The following DOP1A variants were observed in gnomAD, a reference collection of about 807,000 sequenced individuals.
DOP1A encodes protein DOP1A.
DOP1A carries 90 observed loss-of-function variants against 267.6 expected under a neutral mutation model. That is an observed-to-expected ratio of 0.34 (90% CI 0.28 to 0.40). DOP1A has a LOEUF of 0.40. DOP1A is among the 10% of genes least tolerant of loss of function. The probability of loss-of-function intolerance (pLI) is 1.00; values close to 1 mark genes in which losing one functional copy is unlikely to be tolerated. For missense variants in DOP1A, 2,437 were observed against 2,900.4 expected (o/e 0.84, Z 3.67); for synonymous variants, 932 against 999.1 (o/e 0.93, Z 1.27).
rs552868480 is a variant in DOP1A at position 83,152,386 on chromosome 6, C to T, written c.6129+19C>T. ...CTCTGAGGTAAATATTAAGCTTTTT[C>T]ACATGAACTCTCAAGTAGACTGTTT... On this transcript the variant is annotated intron_variant, in intron 30 of 38. Coordinates refer to ENST00000349129, the MANE Select transcript of DOP1A (RefSeq NM_015018.4). 1.7e-6 allele frequency: 2 copies of T among 1,205,752 alleles called. No individual in the cohort carries two copies. The highest frequency in any genetic ancestry group is 1.8e-5 in the South Asian group (1 of 54,538). 74.7% of individuals were successfully genotyped at this position (1,205,752 alleles called of 1,614,324 possible).
chr6:83,167,617 C>A, intron 38 of DOP1A: 2 of 1,195,372 alleles, frequency 1.7e-6, no homozygotes, highest in Non-Finnish European at 2.1e-6. Flanking sequence ...TTTCTGTTAA[C>A]TAAGCTTATC....
intron 10 of DOP1A, among the ~76,000 whole-genome samples, chr6:83,121,564 C>T (rs1414293064): frequency 1.3e-5 from 2 of 151,572 alleles, no homozygotes; most frequent in Admixed American, 6.6e-5. Flanking sequence ...TGCTACCCAT[C>T]TTACAAATAT....
intron 1 of DOP1A, among the ~76,000 whole-genome samples, chr6:83,082,175 A>G (rs1018499492): frequency 1.3e-5 from 2 of 152,234 alleles, no homozygotes; most frequent in African/African-American, 4.8e-5. Flanking sequence ...TACTGAGTAT[A>G]TATCCAAAGA....
At chr6:83,100,585 G>A in intron 3 of DOP1A, 120 bp from the exon 4 acceptor site, 1 of 591,172 alleles carries the variant, frequency 1.7e-6, no homozygotes, top group East Asian at 3.2e-5. Flanking sequence ...ATAGGCAAAT[G>A]TAGCTAACAA....
rs1770027053 is a variant in DOP1A, at chr6:83,089,925, A to G, written c.-146-6806A>G. Reference sequence around the variant, plus strand: ...CTCATCAAATATGTGTATTAAATATATACAGTTTAACAAAGCCATAAAACA... The same window carrying G: ...CTCATCAAATATGTGTATTAAATATGTACAGTTTAACAAAGCCATAAAACA... On this transcript the variant is annotated intron_variant, in intron 1 of 38. Transcript: ENST00000349129. Among the ~76,000 whole-genome samples, 3 of 152,208 alleles carry G rather than the reference A, an allele frequency of 2.0e-5. No homozygotes were observed. In the South Asian group the frequency reaches 6.2e-4, roughly 32 times the overall value.
intron 36 of DOP1A, among the ~76,000 whole-genome samples, chr6:83,158,925 A>C (rs1405422633): frequency 6.6e-6 from 1 of 152,184 alleles, no homozygotes; most frequent in Non-Finnish European, 1.5e-5. Flanking sequence ...GAAACATTGC[A>C]ACATATAGCC....
chr6:83,116,406 C>T (rs1775437594), intron 7 of DOP1A, among the ~76,000 whole-genome samples: 1 of 152,054 alleles, frequency 6.6e-6, no homozygotes, highest in Admixed American at 6.5e-5. Flanking sequence ...TTGTACAATA[C>T]CAATCATGTT....
downstream of DOP1A, chr6:83,169,403 T>A: frequency 6.5e-7 from 1 of 1,533,154 alleles, no homozygotes; most frequent in Non-Finnish European, 8.9e-7. Flanking sequence ...TACTTGGAAC[T>A]CTGGGGAAGA....
At chr6:83,107,292 C>T (rs780235598) in intron 4 of DOP1A, among the ~76,000 whole-genome samples, 11 of 151,898 alleles carry the variant, frequency 7.2e-5, no homozygotes, top group Non-Finnish European at 1.2e-4. Context: ...CCTGGACAGG[C>T]GGGTCATGGC....
At chr6:83,157,392 G>T (rs981637092) in intron 35 of DOP1A, 74 bp downstream of exon 35, 20 of 1,472,706 alleles carry the variant, frequency 1.4e-5, no homozygotes, top group Non-Finnish European at 1.7e-5. Context: ...GTGCTTACTA[G>T]ATATTAACGA....
At chr6:83,069,539 A>G (rs1785260796) in intron 1 of DOP1A, among the ~76,000 whole-genome samples, 1 of 152,218 alleles carries the variant, frequency 6.6e-6, no homozygotes, top group African/African-American at 2.4e-5. Flanking sequence ...GTAAAGGTCC[A>G]TGCATTAGGC....
chr6:83,168,388 A>G lies in DOP1A; in HGVS notation c.*221A>G, dbSNP rs1405557716. ...TGATTATGGTGCCTAAGAGAGCTAT[A>G]TATATACACATGTAAAGTCCATTGT... On this transcript the variant is annotated 3_prime_UTR_variant, in exon 39 of 39. Coordinates refer to ENST00000349129, the MANE Select transcript of DOP1A (RefSeq NM_015018.4). 5.3e-6 allele frequency: 7 copies of G among 1,310,090 alleles called. No individual in the cohort carries two copies. The highest frequency in any genetic ancestry group is 2.0e-5 in the South Asian group (1 of 50,262). The allele number at this position is 1,310,090 out of a possible 1,614,324, so 81.2% of individuals were successfully genotyped here.
intron 34 of DOP1A, 31 bp downstream of exon 34, chr6:83,156,134 C>CT: frequency 6.3e-7 from 1 of 1,575,542 alleles, no homozygotes; most frequent in Non-Finnish European, 8.6e-7. Context: ...TATTTTTTCT[C>CT]TAACTACAGG....
intron 8 of DOP1A, among the ~76,000 whole-genome samples, chr6:83,119,483 G>A (rs1243223165): frequency 1.3e-5 from 2 of 152,024 alleles, no homozygotes; most frequent in Non-Finnish European, 2.9e-5. Flanking sequence ...ACTTATTGTG[G>A]ATGTTCTGAG....
intron 6 of DOP1A, among the ~76,000 whole-genome samples, chr6:83,110,850 T>G (rs1486753244): frequency 6.6e-6 from 1 of 152,190 alleles, no homozygotes; most frequent in Non-Finnish European, 1.5e-5. Context: ...TGCATATTTC[T>G]GGTTAGATTT....
intron 15 of DOP1A, 54 bp from the exon 16 acceptor site, chr6:83,128,833 C>T (rs1777593937): frequency 1.1e-5 from 17 of 1,498,846 alleles, no homozygotes; most frequent in Non-Finnish European, 1.4e-5. Flanking sequence ...TTTCTAATTC[C>T]TAATATGTAC....
chr6:83,153,614 A>G lies in DOP1A; in HGVS notation c.6233A>G (p.Asn2078Ser). The change falls in exon 31 of 39, where the codon AAT becomes AGT. Residue 2078 changes from asparagine (N) to serine (S), a missense_variant. Physicochemically the swap from Asn to Ser is conservative, Grantham distance 46. Transcript: ENST00000349129. ...CATTATGTTGTGCCCTACCTCAGAA[A>G]TCACAGGTACTATCATTATTTAAAT... ...IMHYVVPYLR[N>S]HSAHNAPSYR... 1 of 1,589,590 alleles carries G rather than the reference A, an allele frequency of 6.3e-7. No individual in the cohort carries two copies. Among genetic ancestry groups the G allele is most frequent in the Non-Finnish European group, 8.6e-7 (1 of 1,166,706 alleles).
Position 83,138,796 on chromosome 6 carries a change from T to G in DOP1A, c.4754T>G (p.Val1585Gly), listed in dbSNP as rs775593841. Residue 1585 changes from valine to glycine, a missense_variant, in exon 21 of 39, where the codon GTG becomes GGG. Val to Gly is a moderately radical substitution (Grantham distance 109, BLOSUM62 -3). Around this residue, in one of 9 missense-constraint regions of DOP1A, gnomAD observed 878 missense variants for 992.9 expected, o/e 0.88. Transcript: ENST00000349129. ...ACGTTGCAGTCACAACTTCTTAAGG[T>G]GCTTCAGAGGCTGATTGTTCTAGAA... ...GSTLQSQLLKVLQRLIVLEHR... is the reference protein window; with the variant it reads ...GSTLQSQLLKGLQRLIVLEHR... 6.2e-7 allele frequency: 1 copy of G among 1,614,028 alleles called. No homozygotes were observed. The highest frequency in any genetic ancestry group is 8.5e-7 in the Non-Finnish European group (1 of 1,179,924).
intron 1 of DOP1A, among the ~76,000 whole-genome samples, chr6:83,094,486 T>G (rs1771077758): frequency 6.6e-6 from 1 of 152,228 alleles, no homozygotes; most frequent in Admixed American, 6.5e-5. Flanking sequence ...CCAGACTGTT[T>G]TCCAGAGGAG....
Sources: allele counts gnomAD v4.1 joint callset (sites outside exome capture counted in the v4.1 genomes callset), GRCh38; gene constraint gnomAD v4.1.1; regional missense constraint gnomAD v4.1.1; transcripts MANE v1.5; gene names NCBI Gene and HGNC (gene_info 2026-07-23, HGNC 2026-07-21).